XXYLT1: variants seen among roughly 807,000 people sequenced by gnomAD.
XXYLT1 encodes the protein xyloside xylosyltransferase 1.
XXYLT1 carries 20 observed loss-of-function variants against 28.9 expected under a neutral mutation model. The observed-to-expected ratio is 0.69, with a 90% CI of 0.49 to 1.00. The LOEUF is 1.00. Ranked by LOEUF, XXYLT1 falls within the 50% of genes least tolerant of loss-of-function variation. XXYLT1 has a pLI of 0.00. For synonymous variants in XXYLT1, 257 were observed against 253.8 expected (o/e 1.01, Z -0.12); for missense variants, 542 against 560.1 (o/e 0.97, Z 0.33).
intron 3 of XXYLT1, among the ~76,000 whole-genome samples, chr3:195,151,321 A>T (rs546768067): frequency 5.2e-4 from 79 of 152,106 alleles, no homozygotes; most frequent in African/African-American, 1.9e-3. Flanking sequence ...AGGCGGGCGG[A>T]TCACTTGAGG....
chr3:195,203,003 C>T (rs904239702), intron 2 of XXYLT1, among the ~76,000 whole-genome samples: 2 of 152,068 alleles, frequency 1.3e-5, no homozygotes, highest in African/African-American at 4.8e-5. Flanking sequence ...TAGATGGGCT[C>T]TCACTATGTT....
At chr3:195,157,385 G>A (rs933717980) in intron 2 of XXYLT1, among the ~76,000 whole-genome samples, 3 of 152,092 alleles carry the variant, frequency 2.0e-5, no homozygotes, top group African/African-American at 7.2e-5. Flanking sequence ...AAACCCAGAT[G>A]TGTGTCAAGT....
chr3:195,192,398 C>T (rs1577129398), intron 2 of XXYLT1, among the ~76,000 whole-genome samples: 1 of 148,438 alleles, frequency 6.7e-6, no homozygotes, highest in African/African-American at 2.6e-5. Flanking sequence ...GCACTCCAGC[C>T]TGGGTAACCA....
intron 3 of XXYLT1, among the ~76,000 whole-genome samples, chr3:195,131,929 T>C (rs1718927063): frequency 6.6e-6 from 1 of 151,976 alleles, no homozygotes; most frequent in South Asian, 2.1e-4. Context: ...AGTGAAGAGG[T>C]TTGCCAATGA....
chr3:195,088,506 C>A, intron 3 of XXYLT1, among the ~76,000 whole-genome samples: 1 of 134,908 alleles, frequency 7.4e-6, no homozygotes, highest in Non-Finnish European at 1.6e-5. Context: ...AAAGGACATC[C>A]ACACCAAAAA....
intron 3 of XXYLT1, chr3:195,146,633 C>T (rs1243149176): frequency 3.3e-5 from 5 of 152,214 alleles, no homozygotes; most frequent in East Asian, 1.9e-4. Context: ...AACACCACTC[C>T]GAGAGACTTT....
At chr3:195,262,928 T>C (rs1218144205) in intron 1 of XXYLT1, among the ~76,000 whole-genome samples, 1 of 152,240 alleles carries the variant, frequency 6.6e-6, no homozygotes, top group Non-Finnish European at 1.5e-5. Context: ...TGTCGGCCTA[T>C]CTTTTCAAAG....
At chr3:195,125,788 G>A (rs941324690) in intron 3 of XXYLT1, among the ~76,000 whole-genome samples, 4 of 152,298 alleles carry the variant, frequency 2.6e-5, no homozygotes, top group East Asian at 1.9e-4. Context: ...CCCTGCTGGC[G>A]CCAACCTGGT....
chr3:195,142,946 A>T (rs1251378697), intron 3 of XXYLT1, among the ~76,000 whole-genome samples: 1 of 152,156 alleles, frequency 6.6e-6, no homozygotes, highest in Non-Finnish European at 1.5e-5. Flanking sequence ...GGGCACCGAG[A>T]GGAGTTTAAA....
Position 195,181,260 on chromosome 3 carries a change from T to C in XXYLT1, c.653-24679A>G, listed in dbSNP as rs1490427735. Among the ~76,000 whole-genome samples the C allele has an allele frequency of 1.4e-3, 162 of 119,058 alleles. 1 individual carries two copies. Among genetic ancestry groups the C allele is most frequent in the African/African-American group, 6.3e-3 (154 of 24,388 alleles). 78.1% of individuals were successfully genotyped at this position (119,058 alleles called of 152,430 possible). On this transcript the variant is annotated intron_variant, in intron 2 of 3. Coordinates refer to ENST00000310380, the MANE Select transcript of XXYLT1 (RefSeq NM_152531.5). The stretch of plus-strand genomic sequence containing the variant: ...AATCTCCCTTTTCACACTGGCTGTG[T>C]ATCTGCGTGGCTGCGTGGCTGCGTG...
chr3:195,083,416 TCCTTTGGTCAACAC>T (rs1268656360), intron 3 of XXYLT1, among the ~76,000 whole-genome samples: 1 of 152,188 alleles, frequency 6.6e-6, no homozygotes, highest in African/African-American at 2.4e-5. Context: ...CTTGACTTTT[TCCTTTGGTCAACAC>T]CCTCCCTGCT....
At chr3:195,097,242 C>T (rs1296297316) in intron 3 of XXYLT1, among the ~76,000 whole-genome samples, 1 of 152,212 alleles carries the variant, frequency 6.6e-6, no homozygotes, top group Non-Finnish European at 1.5e-5. Flanking sequence ...CATAAGAATA[C>T]ATACACAGAC....
At chr3:195,259,583 C>A in intron 1 of XXYLT1, 1 of 985,466 alleles carries the variant, frequency 1.0e-6, no homozygotes, top group Non-Finnish European at 1.2e-6. Context: ...CAGGTACAGG[C>A]CTGGGAAGCC....
chr3:195,140,765 G>C (rs1418009699), intron 3 of XXYLT1, among the ~76,000 whole-genome samples: 1 of 152,124 alleles, frequency 6.6e-6, no homozygotes, highest in Non-Finnish European at 1.5e-5. Context: ...AGAGCAAGAG[G>C]GAAGTCTGCC....
intron 3 of XXYLT1, among the ~76,000 whole-genome samples, chr3:195,109,809 A>AGTGTGTGTG (rs1553803529): frequency 3.5e-5 from 1 of 28,822 alleles, no homozygotes; most frequent in African/African-American, 9.7e-5. Context: ...GTGGTGTATG[A>AGTGTGTGTG]GTGTGTGTGT....
intron 3 of XXYLT1, among the ~76,000 whole-genome samples, chr3:195,109,698 C>G (rs111212017): frequency 5.1e-4 from 9 of 17,686 alleles, no homozygotes; most frequent in South Asian, 1.8e-3. Context: ...TGTGTGGTGT[C>G]TGGTGTGTGT....
At chr3:195,089,062 A>G (rs999247643) in intron 3 of XXYLT1, among the ~76,000 whole-genome samples, 1 of 151,878 alleles carries the variant, frequency 6.6e-6, no homozygotes, top group African/African-American at 2.4e-5. Context: ...GGTGTACCTG[A>G]AAGTGATGGG....
At chr3:195,201,945 A>G (rs1450593957) in intron 2 of XXYLT1, among the ~76,000 whole-genome samples, 7 of 152,126 alleles carry the variant, frequency 4.6e-5, no homozygotes, top group East Asian at 1.9e-4. Context: ...TTGGGAGGCC[A>G]AGGTGGGCGG....
intron 3 of XXYLT1, 67 bp from the exon 4 acceptor site, chr3:195,070,178 G>A (rs1714723608): frequency 2.7e-6 from 4 of 1,493,566 alleles, no homozygotes; most frequent in Admixed American, 2.3e-5. Context: ...TGCTGCCCTG[G>A]GTCTTCACAG....
Sources: allele counts gnomAD v4.1 joint callset (sites outside exome capture counted in the v4.1 genomes callset), GRCh38; gene constraint gnomAD v4.1.1; transcripts MANE v1.5; gene names NCBI Gene and HGNC (gene_info 2026-07-23, HGNC 2026-07-21).